Variants in TRPM2 observed in about 807,000 individuals in gnomAD.
The protein encoded by TRPM2 is transient receptor potential cation channel subfamily M member 2.
TRPM2 carries 161 observed loss-of-function variants against 174.0 expected under a neutral mutation model. The ratio of observed to expected loss-of-function variants is 0.93; its 90% confidence interval spans 0.81 to 1.05. The LOEUF is 1.05. Ranked by LOEUF, TRPM2 falls within the 50% of genes least tolerant of loss-of-function variation. TRPM2 has a pLI of 0.00. For missense variants in TRPM2, 2,057 were observed against 2,038.0 expected, an observed-to-expected ratio of 1.01 and a Z score of -0.18; for synonymous variants, 954 against 861.3, an observed-to-expected ratio of 1.11 and a Z score of -1.88.
intron 9 of TRPM2, 67 bp downstream of exon 9, chr21:44,382,887 T>C: frequency 1.4e-6 from 2 of 1,431,606 alleles, no homozygotes; most frequent in Admixed American, 1.9e-5. Context: ...GACGCCAAGT[T>C]CTAGTCTTGA....
In TRPM2 at chr21:44,439,345, G is replaced by A. The variant is rs1458430864; in HGVS notation, c.4269+177G>A. On this transcript the variant is annotated intron_variant, in intron 30 of 31. Coordinates refer to ENST00000397928, the MANE Select transcript of TRPM2 (RefSeq NM_003307.4). This position sits in a 1 kb window ranked among gnomAD's most constrained non-coding sequence, Gnocchi z 5.1. ...ACGTTGCACAGCTCCCAGAGGACCC[G>A]GAAGCATAGCTGTGTGCAGGGCCCC... is the stretch of plus-strand genomic sequence containing the variant. Among the ~76,000 whole-genome samples the A allele has an allele frequency of 3.3e-5, 5 of 152,228 alleles. No homozygotes were observed. Among genetic ancestry groups the A allele is most frequent in the East Asian group, 1.9e-4 (1 of 5,174 alleles).
chr21:44,387,213 C>G (rs2146227691), intron 9 of TRPM2, among the ~76,000 whole-genome samples: 1 of 152,124 alleles, frequency 6.6e-6, no homozygotes, highest in Non-Finnish European at 1.5e-5. Flanking sequence ...ATATGGAGAC[C>G]AATGGAATAG....
At chr21:44,373,557 T>A (rs908208905) in intron 5 of TRPM2, among the ~76,000 whole-genome samples, 2 of 105,602 alleles carry the variant, frequency 1.9e-5, no homozygotes, top group Non-Finnish European at 4.5e-5. Flanking sequence ...ATATGCGACC[T>A]GCATTATATG....
Position 44,406,458 on chromosome 21 carries a change from T to C in TRPM2, c.2791-136T>C, listed in dbSNP as rs541674827. The C allele has an allele frequency of 6.8e-5, 74 of 1,087,178 alleles. No homozygotes were observed. In the African/African-American group the frequency reaches 1.0e-3, roughly 15 times the overall value. 67.3% of individuals were successfully genotyped at this position (1,087,178 alleles called of 1,614,324 possible). On this transcript the variant is annotated intron_variant, in intron 18 of 31. Coordinates refer to ENST00000397928, the MANE Select transcript of TRPM2 (RefSeq NM_003307.4). ...GAGGGTGTGGGGGCAGCCCCAGGAC[T>C]GCTCCTGGGAGCCTCCTGCATGCCG...
At chr21:44,427,275 C>G (rs908441487) in intron 27 of TRPM2, among the ~76,000 whole-genome samples, 164 bp downstream of exon 27, 2 of 152,250 alleles carry the variant, frequency 1.3e-5, no homozygotes, top group African/African-American at 4.8e-5. Flanking sequence ...ATCTCCGTAG[C>G]CCCCAGGACT....
intron 12 of TRPM2, among the ~76,000 whole-genome samples, chr21:44,396,803 A>C (rs376265237): frequency 2.9e-3 from 5 of 1,714 alleles, no homozygotes; most frequent in South Asian, 0.019. Context: ...GTGTGGAGGG[A>C]TGTGGAGGGG....
chr21:44,386,533 A>AC (rs1569045831), intron 9 of TRPM2, among the ~76,000 whole-genome samples: 1 of 152,204 alleles, frequency 6.6e-6, no homozygotes, highest in Non-Finnish European at 1.5e-5. Flanking sequence ...AATTAATTAA[A>AC]CCAAGGGGGT....
Position 44,366,256 on chromosome 21 carries a change from CAGAGGGGACAGG to C in TRPM2, c.424-442_424-431del, listed in dbSNP as rs553067737. ...GGGCCACAGAGCAGAGGGGATAGGGCAGAGGGGACAGGAGAGGGGACAGGAGAGGGGACAGGA... is the reference window on the plus strand; with the variant it reads ...GGGCCACAGAGCAGAGGGGATAGGGCAGAGGGGACAGGAGAGGGGACAGGA... On this transcript the variant is annotated intron_variant, in intron 3 of 31. Transcript: ENST00000397928. The surrounding 1 kb of genome is among the most constrained non-coding windows in gnomAD (Gnocchi z 6.0). 0.19 allele frequency among the ~76,000 whole-genome samples: 23,655 copies of C among 126,900 alleles called. 2,768 individuals are homozygous for C. Among genetic ancestry groups the C allele is most frequent in the Non-Finnish European group, 0.2 (12,082 of 61,666 alleles). The allele number at this position is 126,900 out of a possible 152,430, so 83.3% of individuals were successfully genotyped here. A position where few individuals can be genotyped will look rare whatever the true frequency, so the allele number is the denominator to read the frequency against.
At position 44,426,756 on chromosome 21, in the gene TRPM2, C is replaced by A; in HGVS notation, c.3872+20C>A. The A allele has an allele frequency of 6.2e-7, 1 of 1,613,242 alleles. No individual in the cohort carries two copies. ...GGGAGAGTGAGTATGAGCCGCTGTCCGTGCTCCCAGCTGGCCCCAAACCCA... is the reference window on the plus strand; with the variant it reads ...GGGAGAGTGAGTATGAGCCGCTGTCAGTGCTCCCAGCTGGCCCCAAACCCA... On this transcript the variant is annotated intron_variant, in intron 26 of 31. Coordinates refer to ENST00000397928, the MANE Select transcript of TRPM2 (RefSeq NM_003307.4).
chr21:44,406,552 G>A (rs758077092), intron 18 of TRPM2, 42 bp from the exon 19 acceptor site: 28 of 1,576,260 alleles, frequency 1.8e-5, no homozygotes, highest in Middle Eastern at 2.0e-4. Context: ...AGTGAGCATC[G>A]GGGGCCAGGA....
chr21:44,373,409 A>T (rs1216748051), intron 5 of TRPM2, among the ~76,000 whole-genome samples: 3 of 151,422 alleles, frequency 2.0e-5, no homozygotes, highest in Non-Finnish European at 4.4e-5. Context: ...CTGGTCTCGA[A>T]CTCCTGACCT....
chr21:44,411,692 A>G (rs948124441), intron 19 of TRPM2, among the ~76,000 whole-genome samples: 1 of 152,174 alleles, frequency 6.6e-6, no homozygotes, highest in African/African-American at 2.4e-5. Context: ...ATCTTAGGGA[A>G]CAAGCCTTTC....
chr21:44,404,488 C>G, intron 16 of TRPM2, among the ~76,000 whole-genome samples: 1 of 152,308 alleles, frequency 6.6e-6, no homozygotes, highest in East Asian at 1.9e-4. Flanking sequence ...AGCAGGGGGC[C>G]GAGGTAGCTG....
At chr21:44,380,110 G>C (rs751798783) in intron 8 of TRPM2, among the ~76,000 whole-genome samples, 1 of 152,232 alleles carries the variant, frequency 6.6e-6, no homozygotes, top group African/African-American at 2.4e-5. Flanking sequence ...CACGGGTGTC[G>C]GAAGGGCTGG....
Position 44,367,546 on chromosome 21 carries a change from C to T in TRPM2, c.604+612C>T, listed in dbSNP as rs1163606101. ...GTGGATGGTGTGAGATCCCAGGTGCCGTGACCTGGTGCCCCGCCCCACCCT... is the reference window on the plus strand; with the variant it reads ...GTGGATGGTGTGAGATCCCAGGTGCTGTGACCTGGTGCCCCGCCCCACCCT... On this transcript the variant is annotated intron_variant, in intron 4 of 31. Transcript: ENST00000397928. This position sits in a 1 kb window ranked among gnomAD's most constrained non-coding sequence, Gnocchi z 4.6. Among the ~76,000 whole-genome samples the T allele has an allele frequency of 1.3e-5, 2 of 152,204 alleles. No homozygotes were observed. The highest frequency in any genetic ancestry group is 2.9e-5 in the Non-Finnish European group (2 of 68,026).
chr21:44,356,990 C>T (rs1036340832), intron 2 of TRPM2, among the ~76,000 whole-genome samples: 5 of 152,062 alleles, frequency 3.3e-5, no homozygotes, highest in African/African-American at 4.8e-5. Context: ...CCACTTTCGT[C>T]GCCATCTTGG....
At chr21:44,436,204 G>A (rs939903318) in intron 28 of TRPM2, among the ~76,000 whole-genome samples, 1 of 152,192 alleles carries the variant, frequency 6.6e-6, no homozygotes, top group Non-Finnish European at 1.5e-5. Flanking sequence ...GCAGACGCCT[G>A]CGTCCCTGAG....
intron 16 of TRPM2, among the ~76,000 whole-genome samples, chr21:44,404,460 A>G (rs2049790840): frequency 6.6e-6 from 1 of 152,220 alleles, no homozygotes; most frequent in Non-Finnish European, 1.5e-5. Flanking sequence ...ACATATATGC[A>G]CACACAGGTG....
rs374950559 is a variant in TRPM2 at position 44,406,804 on chromosome 21, C to T, written c.2962+39C>T. 487 of 1,567,428 alleles carry T rather than the reference C, an allele frequency of 3.1e-4. 3 individuals carry two copies. Among genetic ancestry groups the T allele is most frequent in the South Asian group, 2.6e-3 (226 of 86,316 alleles). Reference sequence around the variant, plus strand: ...GCCATGGGAGCTCGGGTGGTGCTGCCGGGAAGCAGGAGAGAGGCTGGAAAG... The same window carrying T: ...GCCATGGGAGCTCGGGTGGTGCTGCTGGGAAGCAGGAGAGAGGCTGGAAAG... On this transcript the variant is annotated intron_variant, in intron 19 of 31. Coordinates refer to ENST00000397928, the MANE Select transcript of TRPM2 (RefSeq NM_003307.4).
Sources: allele counts gnomAD v4.1 joint callset (sites outside exome capture counted in the v4.1 genomes callset), GRCh38; gene constraint gnomAD v4.1.1; non-coding constraint Gnocchi (gnomAD v3.1); transcripts MANE v1.5; gene names NCBI Gene and HGNC (gene_info 2026-07-23, HGNC 2026-07-21).